Variants in CCSER1 observed in about 807,000 individuals in gnomAD.
CCSER1 encodes serine-rich coiled-coil domain-containing protein 1.
Under a neutral mutation model 82.0 loss-of-function variants are expected in CCSER1, and 41 were observed. The ratio of observed to expected loss-of-function variants is 0.50; its 90% CI spans 0.39 to 0.65. The LOEUF is 0.65. CCSER1 is among the 30% of genes least tolerant of loss of function. The probability of loss-of-function intolerance (pLI) is 0.00; values close to 1 mark genes in which losing one functional copy is unlikely to be tolerated. For missense variants in CCSER1, 1,119 were observed against 1,064.2 expected (o/e 1.05, Z -0.72); for synonymous variants, 414 against 383.9 (o/e 1.08, Z -0.92).
At chr4:90,185,942 G>A (rs762059592) in intron 1 of CCSER1, among the ~76,000 whole-genome samples, 16 of 151,932 alleles carry the variant, frequency 1.1e-4, no homozygotes, top group South Asian at 2.1e-4. Flanking sequence ...TGTTCAGTGC[G>A]TTCACTGAAT....
chr4:90,526,899 G>T (rs573857677), intron 5 of CCSER1, among the ~76,000 whole-genome samples: 35 of 152,294 alleles, frequency 2.3e-4, no homozygotes, highest in East Asian at 1.5e-3. Context: ...TAATGGGATT[G>T]CTGGGTCAAA....
intron 10 of CCSER1, among the ~76,000 whole-genome samples, chr4:91,244,440 C>T (rs1581833187): frequency 1.3e-5 from 2 of 152,198 alleles, no homozygotes; most frequent in Non-Finnish European, 2.9e-5. Flanking sequence ...GGGGTGCTTG[C>T]ATCACCACAT....
chr4:90,576,039 G>A (rs1780725718), intron 5 of CCSER1, among the ~76,000 whole-genome samples: 1 of 151,578 alleles, frequency 6.6e-6, no homozygotes, highest in Non-Finnish European at 1.5e-5. Context: ...TCTCAGATAT[G>A]TTCCCTCTCT....
At chr4:90,583,444 G>A (rs997429797) in intron 5 of CCSER1, among the ~76,000 whole-genome samples, 1 of 152,134 alleles carries the variant, frequency 6.6e-6, no homozygotes, top group African/African-American at 2.4e-5. Context: ...GGGGTTACAG[G>A]CATGAGCCAC....
chr4:90,372,926 A>G (rs1197003763), intron 3 of CCSER1, among the ~76,000 whole-genome samples: 1 of 151,714 alleles, frequency 6.6e-6, no homozygotes, highest in East Asian at 1.9e-4. Flanking sequence ...TGTGGAGCAC[A>G]CTAAAGAAAT....
chr4:90,299,624 G>T (rs1430371898), intron 1 of CCSER1, among the ~76,000 whole-genome samples: 1 of 151,916 alleles, frequency 6.6e-6, no homozygotes. Context: ...TCATTGTTGT[G>T]GGAGTCATTT....
At chr4:90,427,969 T>A (rs1757757528) in intron 4 of CCSER1, among the ~76,000 whole-genome samples, 1 of 151,890 alleles carries the variant, frequency 6.6e-6, no homozygotes, top group South Asian at 2.1e-4. Flanking sequence ...CTGGATCTTT[T>A]ATTATTGATG....
chr4:90,209,710 C>T (rs1739583707), intron 1 of CCSER1, among the ~76,000 whole-genome samples: 1 of 149,986 alleles, frequency 6.7e-6, no homozygotes, highest in Non-Finnish European at 1.5e-5. Context: ...ATCTTTAGGA[C>T]TTCCTTTCCA....
intron 8 of CCSER1, among the ~76,000 whole-genome samples, chr4:90,847,662 T>C (rs1763378336): frequency 6.6e-6 from 1 of 152,148 alleles, no homozygotes; most frequent in Non-Finnish European, 1.5e-5. Context: ...GACTTAGGTA[T>C]ACTTTAAAAA....
At chr4:90,409,431 C>G (rs1226605294) in intron 4 of CCSER1, among the ~76,000 whole-genome samples, 1 of 152,180 alleles carries the variant, frequency 6.6e-6, no homozygotes, top group Non-Finnish European at 1.5e-5. Flanking sequence ...AAGCTGATCT[C>G]TCGGCAGAAA....
chr4:91,358,013 C>T (rs1372735510), intron 10 of CCSER1, among the ~76,000 whole-genome samples: 1 of 150,944 alleles, frequency 6.6e-6, no homozygotes, highest in Non-Finnish European at 1.5e-5. Flanking sequence ...TTTTAGCAAA[C>T]TTCACTTTTG....
chr4:90,915,725 G>GT (rs140080374), intron 8 of CCSER1, among the ~76,000 whole-genome samples: 81,284 of 151,692 alleles, frequency 0.54, 23,500 homozygotes, highest in African/African-American at 0.76. Context: ...AAGTCATCTT[G>GT]CCCTGTTTGC....
At chr4:90,792,377 T>TA (rs1269710111) in intron 7 of CCSER1, among the ~76,000 whole-genome samples, 1 of 152,232 alleles carries the variant, frequency 6.6e-6, no homozygotes, top group Non-Finnish European at 1.5e-5. Flanking sequence ...TGTTATCATA[T>TA]AAAACCTGAA....
chr4:90,535,781 G>T (rs979866260), intron 5 of CCSER1, among the ~76,000 whole-genome samples: 1 of 151,930 alleles, frequency 6.6e-6, no homozygotes, highest in African/African-American at 2.4e-5. Context: ...ATACAGGAAG[G>T]CAGCACACAT....
At chr4:91,302,453 A>G (rs113469309) in intron 10 of CCSER1, among the ~76,000 whole-genome samples, 128 of 151,966 alleles carry the variant, frequency 8.4e-4, no homozygotes, top group African/African-American at 2.3e-3. Context: ...TTTTTTTTCT[A>G]TAATCACTTC....
chr4:91,276,304 T>C (rs954394773), intron 10 of CCSER1, among the ~76,000 whole-genome samples: 7 of 151,122 alleles, frequency 4.6e-5, no homozygotes, highest in Admixed American at 4.6e-4. Context: ...TTTTTTTTTT[T>C]TTTTTTTGTC....
chr4:90,334,215 A>G (rs894937903), intron 3 of CCSER1, among the ~76,000 whole-genome samples: 2 of 152,112 alleles, frequency 1.3e-5, no homozygotes, highest in Non-Finnish European at 2.9e-5. Flanking sequence ...GTGAGATGCT[A>G]TGATAGAAAG....
At chr4:90,416,653 A>G (rs571539043) in intron 4 of CCSER1, among the ~76,000 whole-genome samples, 8 of 152,150 alleles carry the variant, frequency 5.3e-5, no homozygotes, top group Non-Finnish European at 8.8e-5. Context: ...ACGTTGTCCC[A>G]TTATTGGTTA....
intron 3 of CCSER1, among the ~76,000 whole-genome samples, chr4:90,392,592 T>A (rs1751369343): frequency 6.6e-6 from 1 of 152,122 alleles, no homozygotes; most frequent in Admixed American, 6.5e-5. Flanking sequence ...TTTGCAAAAA[T>A]GTATAATGAC....
Sources: gnomAD v4.1 joint callset for allele counts (sites outside exome capture counted in the v4.1 genomes callset) on GRCh38, gnomAD v4.1.1 for gene constraint, MANE v1.5 for transcripts, NCBI Gene and HGNC (gene_info 2026-07-23, HGNC 2026-07-21) for gene names.